The following OLFML2B variants were observed in gnomAD, a reference collection of about 807,000 sequenced individuals.
The protein encoded by OLFML2B is olfactomedin-like protein 2B.
OLFML2B carries 57 observed loss-of-function variants against 74.9 expected under a neutral mutation model. That is an observed-to-expected ratio of 0.76 (90% CI 0.61 to 0.95). OLFML2B has a LOEUF of 0.95. Ranked by LOEUF, OLFML2B falls within the 40% of genes least tolerant of loss-of-function variation. The probability of loss-of-function intolerance (pLI) is 0.00; values close to 1 mark genes in which losing one functional copy is unlikely to be tolerated. For synonymous variants in OLFML2B, 388 were observed against 405.8 expected (o/e 0.96, Z 0.53); for missense variants, 986 against 970.6 (o/e 1.02, Z -0.21).
rs148846728 is a variant in OLFML2B at position 161,998,342 on chromosome 1, C to T, written c.957G>A (p.Glu319=). 30 of 1,548,996 alleles carry T rather than the reference C, an allele frequency of 1.9e-5. No homozygotes were observed. The African/African-American group carries it at 3.7e-4, about 19-fold the overall frequency. The change falls in exon 6 of 8, where the codon GAG becomes GAA. Residue 319 remains glutamate (E), a synonymous_variant. Transcript: ENST00000294794. The stretch of plus-strand genomic sequence containing the variant: ...CCACTCCATTGTCACCGCTGAAAAA[C>T]TCATCTTCTGTGAAACAAACACAAG... ...EENDIEEQQD[E]FFSGDNGVDL... is the part of the protein sequence containing the mutation.
At chr1:161,984,434 G>C (rs536793782) in intron 7 of OLFML2B, among the ~76,000 whole-genome samples, 158 bp from the exon 8 acceptor site, 26 of 152,346 alleles carry the variant, frequency 1.7e-4, no homozygotes, top group African/African-American at 6.3e-4. Context: ...CACTCAACCT[G>C]TCCGTGCCTC....
intron 4 of OLFML2B, among the ~76,000 whole-genome samples, chr1:162,003,444 C>T (rs953020658): frequency 1.3e-5 from 2 of 152,244 alleles, no homozygotes; most frequent in African/African-American, 4.8e-5. Flanking sequence ...AACTGCAGTG[C>T]TTTCTCCCAG....
In OLFML2B at chr1:161,984,067, C is replaced by G; in HGVS notation, c.1861G>C (p.Asp621His). 1 of 1,614,054 alleles carries G rather than the reference C, an allele frequency of 6.2e-7. No individual in the cohort carries two copies. Among genetic ancestry groups the G allele is most frequent in the Non-Finnish European group, 8.5e-7 (1 of 1,179,914 alleles). ...PWRWQGHSDV[D>H]FAVDENGLWL... ...AGGCCATTCTCGTCCACAGCAAAGT[C>G]CACGTCTGAGTGGCCCTGCCATCGC... Residue 621 changes from aspartate (D) to histidine (H), a missense_variant, in exon 8 of 8, where the codon GAC becomes CAC. Physicochemically the swap from Asp to His is moderately conservative, Grantham distance 81. Transcript: ENST00000294794.
intron 4 of OLFML2B, among the ~76,000 whole-genome samples, chr1:162,004,910 A>G (rs115301047): frequency 0.011 from 1,674 of 152,328 alleles, 35 homozygotes; most frequent in African/African-American, 0.038. Context: ...CAACTCTGCC[A>G]TCTACCATCA....
At chr1:161,984,423 T>C in intron 7 of OLFML2B, 147 bp from the exon 8 acceptor site, 2 of 1,049,106 alleles carry the variant, frequency 1.9e-6, no homozygotes, top group Non-Finnish European at 2.7e-6. Context: ...CTGTAGCACA[T>C]CACTCAACCT....
chr1:161,999,984 G>C (rs1204474134), intron 5 of OLFML2B, 129 bp downstream of exon 5: 1 of 722,382 alleles, frequency 1.4e-6, no homozygotes, highest in East Asian at 2.5e-5. Flanking sequence ...TGGATAACAG[G>C]GCCACAGCAG....
chr1:162,023,505 G>A lies in OLFML2B; in HGVS notation c.-75C>T, dbSNP rs1040804002. The A allele has an allele frequency of 1.5e-6, 2 of 1,371,860 alleles. No homozygotes were observed. The highest frequency in any genetic ancestry group is 1.5e-5 in the African/African-American group (1 of 67,350). 85.0% of individuals were successfully genotyped at this position (1,371,860 alleles called of 1,614,324 possible). A position where few individuals can be genotyped will look rare whatever the true frequency, so the allele number is the denominator to read the frequency against. On this transcript the variant is annotated 5_prime_UTR_variant, in exon 1 of 8. Coordinates refer to ENST00000294794, the MANE Select transcript of OLFML2B (RefSeq NM_015441.3). Reference sequence around the variant, plus strand: ...GGGGGGTCTCGGCAAGGACTTCTGCGAGAGGGTGTCCTCGCTAGAGCCCGA... The same window carrying A: ...GGGGGGTCTCGGCAAGGACTTCTGCAAGAGGGTGTCCTCGCTAGAGCCCGA...
chr1:161,984,812 A>G lies in OLFML2B; in HGVS notation c.1643T>C (p.Phe548Ser). 1 of 1,613,428 alleles carries G rather than the reference A, an allele frequency of 6.2e-7. No homozygotes were observed. Among genetic ancestry groups the G allele is most frequent in the South Asian group, 1.1e-5 (1 of 91,028 alleles). ...GGATCTTTATCATGTACCTTGTTTG[A>G]AGTTCTCCAGGTTCCGGAACTCTAC... ...TLVEFRNLENFKQGRWSNSYK... is the reference protein window; with the variant it reads ...TLVEFRNLENSKQGRWSNSYK... Residue 548 changes from phenylalanine (F) to serine (S), a missense_variant, in exon 7 of 8, where the codon TTC becomes TCC. Phe to Ser is a radical substitution (Grantham distance 155). Coordinates refer to ENST00000294794, the MANE Select transcript of OLFML2B (RefSeq NM_015441.3).
chr1:162,010,550 C>T (rs1179074231), intron 3 of OLFML2B, among the ~76,000 whole-genome samples: 2 of 152,120 alleles, frequency 1.3e-5, no homozygotes, highest in Admixed American at 1.3e-4. Flanking sequence ...ATGTGTAGAC[C>T]GATGGAATGG....
At chr1:162,010,204 A>G (rs1346123460) in intron 3 of OLFML2B, among the ~76,000 whole-genome samples, 1 of 152,174 alleles carries the variant, frequency 6.6e-6, no homozygotes, top group Non-Finnish European at 1.5e-5. Context: ...AAGATTTGGG[A>G]ACGTTGTCAT....
intron 4 of OLFML2B, among the ~76,000 whole-genome samples, chr1:162,005,610 G>A (rs1337460953): frequency 6.6e-6 from 1 of 152,130 alleles, no homozygotes; most frequent in Non-Finnish European, 1.5e-5. Flanking sequence ...ACCATGCCAG[G>A]GCCAGGTACA....
intron 6 of OLFML2B, among the ~76,000 whole-genome samples, chr1:161,995,359 G>A (rs903812207): frequency 2.0e-5 from 3 of 152,184 alleles, no homozygotes; most frequent in African/African-American, 7.2e-5. Context: ...AATGCCACGG[G>A]CTAGTCTTTA....
rs552139429 is a variant in OLFML2B, at chr1:161,987,287, T to C, written c.1475-2307A>G. The stretch of plus-strand genomic sequence containing the variant: ...CCTGAGATATCCAGGTCCAAATCCC[T>C]GGAGCCTGTGATTGGGACAAAAGGA... On this transcript the variant is annotated intron_variant, in intron 6 of 7. Transcript: ENST00000294794. 3.3e-5 allele frequency among the ~76,000 whole-genome samples: 5 copies of C among 152,288 alleles called. No individual in the cohort carries two copies. The East Asian group carries it at 9.6e-4, about 29-fold the overall frequency.
intron 4 of OLFML2B, among the ~76,000 whole-genome samples, chr1:162,002,677 C>T (rs1220021132): frequency 6.6e-6 from 1 of 152,226 alleles, no homozygotes; most frequent in Non-Finnish European, 1.5e-5. Flanking sequence ...GTATCTCTCT[C>T]TCCCCAGCAC....
chr1:162,017,122 GA>G (rs1690561885), intron 3 of OLFML2B, among the ~76,000 whole-genome samples: 1 of 152,148 alleles, frequency 6.6e-6, no homozygotes, highest in South Asian at 2.1e-4. Context: ...GAGGTCCCTG[GA>G]AGTCAAGGTA....
Position 162,014,920 on chromosome 1 carries a change from A to G in OLFML2B, c.546+2480T>C, listed in dbSNP as rs534947547. 3.9e-5 allele frequency among the ~76,000 whole-genome samples: 6 copies of G among 152,308 alleles called. No homozygotes were observed. The South Asian group carries it at 1.2e-3, about 32-fold the overall frequency. ...TTGAAGTTCCTGTTAAGAAAAACTG[A>G]TGCTTGCAGGACAGATGGCAATGAT... On this transcript the variant is annotated intron_variant, in intron 3 of 7. Coordinates refer to ENST00000294794, the MANE Select transcript of OLFML2B (RefSeq NM_015441.3).
In OLFML2B at chr1:162,019,979, A is replaced by C. The variant is rs555362404; in HGVS notation, c.378T>G (p.Asn126Lys). Reference protein sequence around the residue: ...CACVAPPSALNPCEGDFRLQK... With the variant: ...CACVAPPSALKPCEGDFRLQK... ...GGAGCCTGAAGTCTCCCTCGCAGGG[A>C]TTGAGGGCCGATGGGGGTGCTACAC... Residue 126 changes from asparagine to lysine, a missense_variant, in exon 2 of 8, where the codon AAT (asparagine) becomes AAG (lysine). Transcript: ENST00000294794. The C allele has an allele frequency of 1.4e-5, 22 of 1,614,102 alleles. No homozygotes were observed. In the East Asian group the frequency reaches 4.9e-4, roughly 36 times the overall value.
At chr1:161,989,805 A>C (rs897836003) in intron 6 of OLFML2B, among the ~76,000 whole-genome samples, 1 of 152,226 alleles carries the variant, frequency 6.6e-6, no homozygotes, top group Non-Finnish European at 1.5e-5. Flanking sequence ...TGAGCACAGA[A>C]TTGCAGGTAG....
chr1:161,991,080 G>A (rs1689728854), intron 6 of OLFML2B, among the ~76,000 whole-genome samples: 1 of 152,150 alleles, frequency 6.6e-6, no homozygotes, highest in African/African-American at 2.4e-5. Context: ...TTCCTCCACT[G>A]AAGACTTGAA....
Sources: allele counts gnomAD v4.1 joint callset (sites outside exome capture counted in the v4.1 genomes callset), GRCh38; gene constraint gnomAD v4.1.1; transcripts MANE v1.5; gene names NCBI Gene and HGNC (gene_info 2026-07-23, HGNC 2026-07-21).